The following PDCD5 variants were observed in gnomAD, a reference collection of about 807,000 sequenced individuals.
The protein encoded by PDCD5 is programmed cell death 5.
A neutral mutation model predicts 21.9 loss-of-function variants in PDCD5; 23 were observed. The observed-to-expected ratio is 1.05, with a 90% CI of 0.76 to 1.49. PDCD5 has a LOEUF of 1.49. Among genes scored for constraint, PDCD5 ranks in the 40% most tolerant of loss-of-function variants. PDCD5 has a pLI of 0.00. For synonymous variants in PDCD5, 45 were observed against 49.4 expected (o/e 0.91, Z 0.37); for missense variants, 152 against 147.7 (o/e 1.03, Z -0.15).
intron 2 of PDCD5, among the ~76,000 whole-genome samples, chr19:32,584,516 CCA>C (rs1239519214): frequency 6.6e-6 from 1 of 152,132 alleles, no homozygotes; most frequent in African/African-American, 2.4e-5. Context: ...TGTAGCTTGG[CCA>C]CAGTTACCTA....
chr19:32,585,864 ATTACC>A lies in PDCD5; in HGVS notation c.219_223del (p.Leu74ThrfsTer10), dbSNP rs1447081100. 2 of 1,611,928 alleles carry A rather than the reference ATTACC, an allele frequency of 1.2e-6. No homozygotes were observed. Among genetic ancestry groups the A allele is most frequent in the Non-Finnish European group, 1.7e-6 (2 of 1,178,076 alleles). ...CCTGAAAAAACTAAAGCAGTAGAGA[ATTACC>A]TTATACAGATGGCAAGATATGGACA... On this transcript the variant is annotated frameshift_variant, in exon 4 of 6. Coordinates refer to ENST00000590247, the MANE Select transcript of PDCD5 (RefSeq NM_004708.4). LOFTEE classifies it high-confidence loss of function.
rs1387561078 is a variant in PDCD5 at position 32,587,233 on chromosome 19, T to A, written c.331-20T>A. On this transcript the variant is annotated intron_variant, in intron 5 of 5. Transcript: ENST00000590247. ...TGCTTTATTAGAAATGTTCTGACAC[T>A]CATTTAATTTTCCTCCCAGTTCAAC... The A allele has an allele frequency of 6.5e-7, 1 of 1,542,326 alleles. No individual in the cohort carries two copies. The highest frequency in any genetic ancestry group is 8.9e-7 in the Non-Finnish European group (1 of 1,117,810).
intron 1 of PDCD5, 73 bp downstream of exon 1, chr19:32,581,400 C>G: frequency 2.7e-6 from 3 of 1,091,862 alleles, no homozygotes; most frequent in South Asian, 4.1e-5. Flanking sequence ...GGGCGCGCCT[C>G]CGGGGCGGAG....
chr19:32,585,986 C>G, intron 4 of PDCD5, 79 bp downstream of exon 4: 1 of 1,612,824 alleles, frequency 6.2e-7, no homozygotes, highest in African/African-American at 1.3e-5. Flanking sequence ...GCTGCATCTT[C>G]ACTGGATTAC....
At chr19:32,581,363 C>T (rs1463047928) in intron 1 of PDCD5, 36 bp downstream of exon 1, 2 of 1,411,080 alleles carry the variant, frequency 1.4e-6, no homozygotes, top group Non-Finnish European at 1.9e-6. Flanking sequence ...TTGGCCCTCG[C>T]GGGGCGCCGC....
chr19:32,587,100 A>T, intron 5 of PDCD5, 153 bp from the exon 6 acceptor site: 1 of 794,708 alleles, frequency 1.3e-6, no homozygotes, highest in Non-Finnish European at 2.0e-6. Context: ...TCTAATTTTT[A>T]TAGGCTCTTG....
At chr19:32,582,903 T>C (rs957797045) in intron 2 of PDCD5, among the ~76,000 whole-genome samples, 1 of 152,156 alleles carries the variant, frequency 6.6e-6, no homozygotes, top group Non-Finnish European at 1.5e-5. Flanking sequence ...GTGCTGGGTC[T>C]ACAGAAATAG....
chr19:32,582,805 C>T (rs1199164243), intron 2 of PDCD5, among the ~76,000 whole-genome samples: 5 of 152,176 alleles, frequency 3.3e-5, no homozygotes, highest in African/African-American at 1.2e-4. Context: ...CCTTTAGCTA[C>T]TGGACAATTC....
chr19:32,585,485 C>T (rs896607115), intron 3 of PDCD5, among the ~76,000 whole-genome samples: 6 of 152,262 alleles, frequency 3.9e-5, no homozygotes, highest in Middle Eastern at 3.4e-3. Context: ...GTAGAAAAGG[C>T]GGCCACAGGT....
intron 2 of PDCD5, 56 bp from the exon 3 acceptor site, chr19:32,584,894 C>A: frequency 7.1e-7 from 1 of 1,403,678 alleles, no homozygotes; most frequent in Non-Finnish European, 1.0e-6. Context: ...TCGTATGTTA[C>A]ATGGGAATGC....
intron 1 of PDCD5, chr19:32,581,760 G>A (rs1971428572): frequency 9.3e-6 from 2 of 213,980 alleles, no homozygotes; most frequent in Non-Finnish European, 1.8e-5. Context: ...AGGAACGCTT[G>A]CCCCGCCGGG....
chr19:32,587,229 ACACT>A lies in PDCD5; in HGVS notation c.331-21_331-18del. 6.6e-7 allele frequency: 1 copy of A among 1,523,486 alleles called. No individual in the cohort carries two copies. Among genetic ancestry groups the A allele is most frequent in the South Asian group, 1.1e-5 (1 of 87,714 alleles). The allele number at this position is 1,523,486 out of a possible 1,614,324, so 94.4% of individuals were successfully genotyped here. ...GTTATGCTTTATTAGAAATGTTCTG[ACACT>A]CATTTAATTTTCCTCCCAGTTCAAC... On this transcript the variant is annotated intron_variant, in intron 5 of 5. Coordinates refer to ENST00000590247, the MANE Select transcript of PDCD5 (RefSeq NM_004708.4).
At chr19:32,582,588 T>G (rs1971439302) in intron 2 of PDCD5, among the ~76,000 whole-genome samples, 1 of 152,186 alleles carries the variant, frequency 6.6e-6, no homozygotes, top group African/African-American at 2.4e-5. Flanking sequence ...ATTCTGATTG[T>G]TTTATCCCAA....
At chr19:32,584,587 T>G (rs1391862043) in intron 2 of PDCD5, among the ~76,000 whole-genome samples, 1 of 152,180 alleles carries the variant, frequency 6.6e-6, no homozygotes, top group Non-Finnish European at 1.5e-5. Context: ...TGATATAGAT[T>G]AGTCACATGG....
intron 4 of PDCD5, 70 bp from the exon 5 acceptor site, chr19:32,586,788 A>AT (rs1971481107): frequency 6.4e-7 from 1 of 1,553,930 alleles, no homozygotes; most frequent in Non-Finnish European, 8.7e-7. Context: ...GTACAAAGTG[A>AT]TTCCATCTGC....
rs533109183 is a variant in PDCD5, at chr19:32,585,370, G to A, written c.166+359G>A. On this transcript the variant is annotated intron_variant, in intron 3 of 5. Transcript: ENST00000590247. ...ATATGTATTGTCAGTTTTAGTGTATGTTCAGAGTTGTTCATCATAAAAACC... is the reference window on the plus strand; with the variant it reads ...ATATGTATTGTCAGTTTTAGTGTATATTCAGAGTTGTTCATCATAAAAACC... Among the ~76,000 whole-genome samples, 74 of 152,268 alleles carry A rather than the reference G, an allele frequency of 4.9e-4. No individual in the cohort carries two copies. The Middle Eastern group carries it at 0.017, about 35-fold the overall frequency.
chr19:32,583,288 T>C (rs1243070955), intron 2 of PDCD5, among the ~76,000 whole-genome samples: 4 of 152,128 alleles, frequency 2.6e-5, no homozygotes, highest in Non-Finnish European at 5.9e-5. Context: ...GGCATATTTA[T>C]TTATTCTTTA....
intron 1 of PDCD5, 42 bp from the exon 2 acceptor site, chr19:32,582,149 GCCTC>G (rs1971433636): frequency 7.0e-7 from 1 of 1,428,366 alleles, no homozygotes; most frequent in Non-Finnish European, 9.8e-7. Flanking sequence ...TTTTCCCGCC[GCCTC>G]CCGTGAAATT....
intron 4 of PDCD5, chr19:32,586,283 G>A (rs1471859532): frequency 1.4e-6 from 2 of 1,402,118 alleles, no homozygotes; most frequent in Non-Finnish European, 1.9e-6. Flanking sequence ...TATGTTCTCT[G>A]TGTTGCTGTA....
Sources: gnomAD v4.1 joint callset for allele counts (sites outside exome capture counted in the v4.1 genomes callset) on GRCh38, gnomAD v4.1.1 for gene constraint, MANE v1.5 for transcripts, NCBI Gene and HGNC (gene_info 2026-07-23, HGNC 2026-07-21) for gene names.